Variants in FTO observed in about 807,000 individuals in gnomAD.
The protein encoded by FTO is alpha-ketoglutarate-dependent dioxygenase FTO.
In FTO, 47 loss-of-function variants were observed where a neutral mutation model predicts 63.9. The ratio of observed to expected loss-of-function variants is 0.74; its 90% CI spans 0.58 to 0.94. FTO has a LOEUF of 0.94. Ranked by LOEUF, FTO falls within the 40% of genes least tolerant of loss-of-function variation. The probability of loss-of-function intolerance (pLI) is 0.00; values close to 1 mark genes in which losing one functional copy is unlikely to be tolerated. For synonymous variants in FTO, 207 were observed against 224.4 expected (o/e 0.92, Z 0.69); for missense variants, 562 against 618.1 (o/e 0.91, Z 0.96).
At chr16:53,972,743 C>T (rs985191020) in intron 8 of FTO, among the ~76,000 whole-genome samples, 1 of 152,164 alleles carries the variant, frequency 6.6e-6, no homozygotes, top group African/African-American at 2.4e-5. Context: ...GTACATCCAT[C>T]CCTCTCAGCT....
At chr16:53,909,753 A>G (rs969199929) in intron 7 of FTO, among the ~76,000 whole-genome samples, 1 of 151,592 alleles carries the variant, frequency 6.6e-6, no homozygotes, top group Non-Finnish European at 1.5e-5. Flanking sequence ...TGGTAGAGAC[A>G]GGGTTTCACC....
intron 8 of FTO, among the ~76,000 whole-genome samples, chr16:53,977,219 GGGA>G: frequency 6.6e-6 from 1 of 152,076 alleles, no homozygotes; most frequent in African/African-American, 2.4e-5. Flanking sequence ...TTGTTTTGAG[GGGA>G]GGAGGTTATC....
chr16:53,811,492 T>C (rs748937183), intron 2 of FTO, among the ~76,000 whole-genome samples: 9 of 152,192 alleles, frequency 5.9e-5, no homozygotes, highest in Non-Finnish European at 1.2e-4. Flanking sequence ...CTGTCTCTTA[T>C]CTCCATTCCC....
intron 1 of FTO, among the ~76,000 whole-genome samples, chr16:53,707,043 C>T (rs894241438): frequency 3.3e-5 from 5 of 152,118 alleles, no homozygotes; most frequent in Admixed American, 6.5e-5. Flanking sequence ...ACCAGTTTTC[C>T]GAAGTGATTT....
intron 2 of FTO, among the ~76,000 whole-genome samples, chr16:53,818,171 CT>C (rs57562818): frequency 0.43 from 63,761 of 147,484 alleles, 14,344 homozygotes; most frequent in East Asian, 0.79. Flanking sequence ...GTTACTTGTT[CT>C]TTTTTTTTTT....
intron 8 of FTO, among the ~76,000 whole-genome samples, chr16:54,005,918 A>T (rs1335288922): frequency 6.6e-6 from 1 of 152,180 alleles, no homozygotes; most frequent in African/African-American, 2.4e-5. Flanking sequence ...GTATCCTAGA[A>T]ATGTTTTTTG....
intron 8 of FTO, among the ~76,000 whole-genome samples, chr16:54,053,997 A>G (rs1414982102): frequency 1.3e-5 from 2 of 150,848 alleles, no homozygotes; most frequent in African/African-American, 2.4e-5. Flanking sequence ...TTCCCCGTGC[A>G]CTTAGATCCT....
chr16:53,989,908 A>G (rs2083764076), intron 8 of FTO, among the ~76,000 whole-genome samples: 1 of 151,632 alleles, frequency 6.6e-6, no homozygotes, highest in Non-Finnish European at 1.5e-5. Context: ...AAGATGATCC[A>G]CTTCCACTTA....
chr16:53,795,172 A>G (rs2078029369), intron 1 of FTO, among the ~76,000 whole-genome samples: 1 of 152,210 alleles, frequency 6.6e-6, no homozygotes, highest in Non-Finnish European at 1.5e-5. Flanking sequence ...TCATAGAAAT[A>G]ATAAACTTAA....
At chr16:54,090,264 G>T (rs1043783204) in intron 8 of FTO, among the ~76,000 whole-genome samples, 1 of 152,148 alleles carries the variant, frequency 6.6e-6, no homozygotes, top group African/African-American at 2.4e-5. Context: ...ATTATGCTAC[G>T]TGAAATAAGC....
At chr16:53,746,930 AC>A (rs2076664268) in intron 1 of FTO, among the ~76,000 whole-genome samples, 1 of 152,184 alleles carries the variant, frequency 6.6e-6, no homozygotes, top group Non-Finnish European at 1.5e-5. Flanking sequence ...TTTTGATTCC[AC>A]ATGTAAGTGA....
At chr16:54,091,766 G>C (rs1415461672) in intron 8 of FTO, among the ~76,000 whole-genome samples, 3 of 152,158 alleles carry the variant, frequency 2.0e-5, no homozygotes, top group African/African-American at 7.2e-5. Flanking sequence ...AGACTGCCTG[G>C]GTTCACATCT....
intron 1 of FTO, among the ~76,000 whole-genome samples, chr16:53,791,533 C>T (rs2151688628): frequency 6.6e-6 from 1 of 152,250 alleles, no homozygotes; most frequent in South Asian, 2.1e-4. Context: ...TATTTTACAG[C>T]ATGATGAAAT....
intron 8 of FTO, among the ~76,000 whole-genome samples, chr16:53,983,761 C>T (rs2083602571): frequency 6.6e-6 from 1 of 152,142 alleles, no homozygotes; most frequent in African/African-American, 2.4e-5. Flanking sequence ...AAGAGGACAA[C>T]CAGCACTCTG....
chr16:54,114,354 A>G lies in FTO; in HGVS notation c.*2439A>G, dbSNP rs895272259. On this transcript the variant is annotated 3_prime_UTR_variant, in exon 9 of 9. Coordinates refer to ENST00000471389, the MANE Select transcript of FTO (RefSeq NM_001080432.3). ...AGTCGAAATATTTTGTGCTTACCCC[A>G]ATATATGTGTGTGACTATTGAACTC... The G allele has an allele frequency of 1.3e-5, 2 of 152,132 alleles. No homozygotes were observed. Among genetic ancestry groups the G allele is most frequent in the Admixed American group, 6.5e-5 (1 of 15,274 alleles). 9.4% of individuals were successfully genotyped at this position (152,132 alleles called of 1,614,324 possible).
chr16:54,000,512 A>G (rs1599176069), intron 8 of FTO, among the ~76,000 whole-genome samples: 1 of 152,296 alleles, frequency 6.6e-6, no homozygotes, highest in East Asian at 1.9e-4. Context: ...GAATCATACT[A>G]ACATTTTGAT....
intron 8 of FTO, among the ~76,000 whole-genome samples, chr16:54,073,537 A>G (rs2085918806): frequency 6.7e-6 from 1 of 149,074 alleles, no homozygotes; most frequent in African/African-American, 2.5e-5. Context: ...AGAAAGTCCC[A>G]CCTCCCCCAT....
intron 2 of FTO, 32 bp from the exon 3 acceptor site, chr16:53,825,832 C>A (rs372302712): frequency 1.2e-6 from 2 of 1,607,678 alleles, no homozygotes; most frequent in Admixed American, 3.3e-5. Flanking sequence ...AGCTATATAT[C>A]AACGTCTGTT....
intron 7 of FTO, among the ~76,000 whole-genome samples, chr16:53,901,617 T>C (rs2081404719): frequency 1.3e-5 from 2 of 152,118 alleles, no homozygotes; most frequent in Admixed American, 6.5e-5. Flanking sequence ...CTCTCTGCTG[T>C]CTCTATTTGC....
Sources: allele counts gnomAD v4.1 joint callset (sites outside exome capture counted in the v4.1 genomes callset), GRCh38; gene constraint gnomAD v4.1.1; transcripts MANE v1.5; gene names NCBI Gene and HGNC (gene_info 2026-07-23, HGNC 2026-07-21).